NEBL: variants seen among roughly 807,000 people sequenced by gnomAD.
NEBL encodes nebulette.
In NEBL, 122 loss-of-function variants were observed where a neutral mutation model predicts 140.2. That is an observed-to-expected ratio of 0.87 (90% CI 0.75 to 1.01). The LOEUF (loss-of-function observed/expected upper bound fraction) is 1.01, where lower values mean the gene tolerates loss of function less well. Ranked by LOEUF, NEBL falls within the 50% of genes least tolerant of loss-of-function variation. The probability of loss-of-function intolerance (pLI) is 0.00; values close to 1 mark genes in which losing one functional copy is unlikely to be tolerated. For missense variants in NEBL, 1,365 were observed against 1,231.3 expected (o/e 1.11, Z -1.62); for synonymous variants, 436 against 398.9 (o/e 1.09, Z -1.11).
At chr10:21,006,153 A>G (rs77984789) in intron 3 of NEBL, among the ~76,000 whole-genome samples, 4,649 of 152,264 alleles carry the variant, frequency 0.031, 235 homozygotes, top group African/African-American at 0.11. Context: ...TCTTTGGTGC[A>G]GATTATCAAA....
At chr10:21,005,974 G>A (rs920113876) in intron 3 of NEBL, among the ~76,000 whole-genome samples, 1 of 151,744 alleles carries the variant, frequency 6.6e-6, no homozygotes, top group Non-Finnish European at 1.5e-5. Flanking sequence ...CCTAATCAGA[G>A]CTAAACATAT....
chr10:20,785,597 C>T lies in NEBL; in HGVS notation c.*150G>A, dbSNP rs1439225447. The T allele has an allele frequency of 4.3e-6, 4 of 927,796 alleles. No homozygotes were observed. The African/African-American group carries it at 5.0e-5, about 12-fold the overall frequency. The allele number at this position is 927,796 out of a possible 1,614,324, so 57.5% of individuals were successfully genotyped here. On this transcript the variant is annotated 3_prime_UTR_variant, in exon 28 of 28. Transcript: ENST00000377122. ...GCTGTTTTCAGCCCAGAGGTCATTC[C>T]TTCTTCCTGGTACCTGTGTGTCTAA... is the stretch of plus-strand genomic sequence containing the variant.
Position 20,845,375 on chromosome 10 carries a change from A to C in NEBL, c.1117-7T>G. 1 of 1,473,510 alleles carries C rather than the reference A, an allele frequency of 6.8e-7. No individual in the cohort carries two copies. The allele number at this position is 1,473,510 out of a possible 1,614,324, so 91.3% of individuals were successfully genotyped here. On this transcript the variant is annotated splice_region_variant and splice_polypyrimidine_tract_variant and intron_variant, in intron 11 of 27. Transcript: ENST00000377122. ...AATCCTCTTTGTAAACTTTCTGTTAAATAAGACCACATAATTTTAAAGTTA... is the reference window on the plus strand; with the variant it reads ...AATCCTCTTTGTAAACTTTCTGTTACATAAGACCACATAATTTTAAAGTTA...
At chr10:20,828,229 C>T (rs1166518412) in intron 17 of NEBL, among the ~76,000 whole-genome samples, 2 of 152,074 alleles carry the variant, frequency 1.3e-5, no homozygotes, top group African/African-American at 4.8e-5. Flanking sequence ...ACTATTTTCA[C>T]CTTCAAAGTA....
intron 1 of NEBL, among the ~76,000 whole-genome samples, chr10:21,292,073 T>A (rs1400721494): frequency 1.3e-5 from 2 of 152,194 alleles, no homozygotes; most frequent in Non-Finnish European, 2.9e-5. Flanking sequence ...TGTGTCTTAG[T>A]AAGGACCAAA....
At chr10:20,823,045 T>C (rs1464663181) in intron 19 of NEBL, among the ~76,000 whole-genome samples, 163 bp downstream of exon 19, 1 of 152,198 alleles carries the variant, frequency 6.6e-6, no homozygotes, top group Non-Finnish European at 1.5e-5. Context: ...CTAGGTGTCA[T>C]GGAGGGCATA....
At chr10:21,252,962 G>C (rs1469208278) in intron 1 of NEBL, among the ~76,000 whole-genome samples, 1 of 151,848 alleles carries the variant, frequency 6.6e-6, no homozygotes. Context: ...TCCCAAAAAA[G>C]CAAATAAATA....
At chr10:20,851,699 C>T (rs1434380875) in intron 10 of NEBL, among the ~76,000 whole-genome samples, 1 of 151,680 alleles carries the variant, frequency 6.6e-6, no homozygotes, top group Non-Finnish European at 1.5e-5. Flanking sequence ...GCAGGAGAAT[C>T]GCTTGAACCC....
intron 3 of NEBL, among the ~76,000 whole-genome samples, chr10:20,889,363 CTG>C (rs1846817906): frequency 6.6e-6 from 1 of 152,170 alleles, no homozygotes; most frequent in Non-Finnish European, 1.5e-5. Context: ...ATAGGTATCA[CTG>C]TTGAACTGAA....
intron 21 of NEBL, among the ~76,000 whole-genome samples, chr10:20,816,547 C>T (rs1318440126): frequency 6.6e-6 from 1 of 152,162 alleles, no homozygotes; most frequent in African/African-American, 2.4e-5. Flanking sequence ...GCGTCTACTT[C>T]TCTAAAATAT....
intron 4 of NEBL, among the ~76,000 whole-genome samples, chr10:20,908,419 C>G (rs1317905271): frequency 6.6e-6 from 1 of 152,164 alleles, no homozygotes; most frequent in Non-Finnish European, 1.5e-5. Flanking sequence ...TGGAGACAAT[C>G]TGGTCCCTGT....
rs139098744 is a variant in NEBL, at chr10:20,903,915, A to G, written c.357+57757T>C. On this transcript the variant is annotated intron_variant, in intron 4 of 6. Transcript: ENST00000417816. ...AAATCTACGGATTGGGAACAATTAC[A>G]CTACTCAAGTGACAAGTGCACTAAA... 1.9e-3 allele frequency among the ~76,000 whole-genome samples: 219 copies of G among 113,128 alleles called. 7 individuals are homozygous for G. The highest frequency in any genetic ancestry group is 2.3e-3 in the Non-Finnish European group (135 of 58,698). The allele number at this position is 113,128 out of a possible 152,430, so 74.2% of individuals were successfully genotyped here.
chr10:21,094,320 G>A (rs1220104395), intron 2 of NEBL, among the ~76,000 whole-genome samples: 1 of 151,964 alleles, frequency 6.6e-6, no homozygotes, highest in Non-Finnish European at 1.5e-5. Context: ...GGCTAATACG[G>A]TGAAACCCCG....
At position 21,280,867 on chromosome 10, in the gene NEBL, G is replaced by A. The variant is rs576301501; in HGVS notation, n.182+11963C>T. Among the ~76,000 whole-genome samples, 113 of 152,044 alleles carry A rather than the reference G, an allele frequency of 7.4e-4. 1 individual carries two copies. Among genetic ancestry groups the A allele is most frequent in the South Asian group, 2.7e-3 (13 of 4,814 alleles). The stretch of plus-strand genomic sequence containing the variant: ...TGACCTCAGGTGATCTGCCCACATC[G>A]TCTTCCCAAAGTGCTGTGATTACAG... On this transcript the variant is annotated intron_variant and non_coding_transcript_variant, in intron 1 of 8. Transcript: ENST00000675702.
intron 2 of NEBL, among the ~76,000 whole-genome samples, chr10:21,036,678 T>A (rs1220130002): frequency 6.6e-6 from 1 of 152,048 alleles, no homozygotes; most frequent in Non-Finnish European, 1.5e-5. Context: ...CTTTGCACCC[T>A]CCTTTTACTC....
chr10:20,825,365 T>G (rs1367131668), intron 18 of NEBL, among the ~76,000 whole-genome samples: 5 of 152,086 alleles, frequency 3.3e-5, no homozygotes, highest in Non-Finnish European at 1.5e-5. Flanking sequence ...CTCAAGAAAC[T>G]AAATGTAACG....
intron 5 of NEBL, among the ~76,000 whole-genome samples, chr10:20,874,568 G>T (rs910013107): frequency 2.6e-5 from 4 of 152,198 alleles, no homozygotes; most frequent in Admixed American, 2.6e-4. Flanking sequence ...AAGATGGGAA[G>T]AGAGGAAGAG....
At chr10:20,897,986 C>T (rs1205417621), upstream of NEBL, among the ~76,000 whole-genome samples, 2 of 151,832 alleles carry the variant, frequency 1.3e-5, no homozygotes, top group East Asian at 1.9e-4. Flanking sequence ...CTGGAAACAT[C>T]GTTTCAAAAA....
chr10:21,130,262 G>C (rs1839041187), intron 2 of NEBL, among the ~76,000 whole-genome samples: 1 of 151,896 alleles, frequency 6.6e-6, no homozygotes, highest in Admixed American at 6.6e-5. Context: ...AGCAAAAACT[G>C]ATAAAACTGC....
Sources: gnomAD v4.1 joint callset for allele counts (sites outside exome capture counted in the v4.1 genomes callset) on GRCh38, gnomAD v4.1.1 for gene constraint, MANE v1.5 for transcripts, NCBI Gene and HGNC (gene_info 2026-07-23, HGNC 2026-07-21) for gene names.